INPP5A: variants seen among roughly 807,000 people sequenced by gnomAD.
The protein encoded by INPP5A is inositol polyphosphate-5-phosphatase A, also known as 43 kDa inositol polyphosphate 5-phophatase.
A neutral mutation model predicts 65.2 loss-of-function variants in INPP5A; 14 were observed. That is an observed-to-expected ratio of 0.21 (90% CI 0.14 to 0.34). The LOEUF is 0.34. Among genes scored for constraint, INPP5A ranks in the 10% least tolerant of loss-of-function variants. The pLI is 1.00. For missense variants in INPP5A, 431 were observed against 545.6 expected (o/e 0.79, Z 2.09); for synonymous variants, 207 against 208.3 (o/e 0.99, Z 0.05).
chr10:132,609,504 C>T (rs1406083821), intron 2 of INPP5A, among the ~76,000 whole-genome samples: 2 of 152,232 alleles, frequency 1.3e-5, no homozygotes, highest in East Asian at 3.8e-4. Flanking sequence ...CAGGGATCCA[C>T]AGGTTTTCCC....
Position 132,621,396 on chromosome 10 carries a change from T to C in INPP5A, c.117+13440T>C, listed in dbSNP as rs113181146. On this transcript the variant is annotated intron_variant, in intron 2 of 15. Transcript: ENST00000368594. ...GCACAGCCTCAGGAGGTTCTGATGA[T>C]GTTGCCTAAGGCGATTGGGGCACAG... is the stretch of plus-strand genomic sequence containing the variant. 8.1e-3 allele frequency among the ~76,000 whole-genome samples: 1,238 copies of C among 152,286 alleles called. 15 individuals carry two copies. Among genetic ancestry groups the C allele is most frequent in the African/African-American group, 0.029 (1,187 of 41,564 alleles).
At chr10:132,695,083 A>G (rs1845324754) in intron 5 of INPP5A, among the ~76,000 whole-genome samples, 1 of 152,244 alleles carries the variant, frequency 6.6e-6, no homozygotes. Context: ...GACATTACAA[A>G]GAAGGAAAAC....
chr10:132,581,488 T>C (rs758075946), intron 1 of INPP5A, among the ~76,000 whole-genome samples: 94 of 152,214 alleles, frequency 6.2e-4, no homozygotes, highest in Non-Finnish European at 1.1e-3. Context: ...AGGCCAATTC[T>C]GCTGGTCTCT....
intron 1 of INPP5A, among the ~76,000 whole-genome samples, chr10:132,606,422 A>AG (rs1479571428): frequency 6.6e-6 from 1 of 152,036 alleles, no homozygotes; most frequent in Non-Finnish European, 1.5e-5. Context: ...CTGGACCCAG[A>AG]GGGCAGGGCA....
At chr10:132,542,310 G>A (rs1223088320) in intron 1 of INPP5A, among the ~76,000 whole-genome samples, 1 of 152,232 alleles carries the variant, frequency 6.6e-6, no homozygotes, top group African/African-American at 2.4e-5. Context: ...GCAAGTGCTC[G>A]CTGGCAGGGA....
At chr10:132,654,176 G>A (rs1262044744) in intron 4 of INPP5A, among the ~76,000 whole-genome samples, 2 of 152,206 alleles carry the variant, frequency 1.3e-5, no homozygotes, top group East Asian at 1.9e-4. Flanking sequence ...CCTGCTCTCG[G>A]GGAACTGTGG....
chr10:132,774,683 GC>G (rs953727114), intron 12 of INPP5A, among the ~76,000 whole-genome samples: 1 of 151,938 alleles, frequency 6.6e-6, no homozygotes, highest in African/African-American at 2.4e-5. Flanking sequence ...TACCTACCCA[GC>G]CCAGCCTGCT....
chr10:132,661,171 A>G lies in INPP5A; in HGVS notation c.306+10666A>G, dbSNP rs1478445203. Among the ~76,000 whole-genome samples, 3 of 152,234 alleles carry G rather than the reference A, an allele frequency of 2.0e-5. No individual in the cohort carries two copies. In the East Asian group the frequency reaches 5.8e-4, roughly 29 times the overall value. On this transcript the variant is annotated intron_variant, in intron 4 of 15. Transcript: ENST00000368594. ...CTCTTCGTGATATGGTTTCAAAAACACAATCCAGCACCATGTGTAAATTGT... is the reference window on the plus strand; with the variant it reads ...CTCTTCGTGATATGGTTTCAAAAACGCAATCCAGCACCATGTGTAAATTGT...
intron 1 of INPP5A, among the ~76,000 whole-genome samples, chr10:132,592,542 A>G (rs963659946): frequency 3.3e-5 from 5 of 152,096 alleles, no homozygotes; most frequent in Admixed American, 3.3e-4. Flanking sequence ...CAGCCTCCCA[A>G]GTAGCTGGGA....
chr10:132,657,562 G>T (rs2072674120), intron 4 of INPP5A, among the ~76,000 whole-genome samples: 1 of 152,164 alleles, frequency 6.6e-6, no homozygotes, highest in African/African-American at 2.4e-5. Flanking sequence ...TCTTGGGGTG[G>T]GGGGCCCCAG....
At chr10:132,696,087 ACTAT>A in intron 5 of INPP5A, among the ~76,000 whole-genome samples, 1 of 152,292 alleles carries the variant, frequency 6.6e-6, no homozygotes, top group African/African-American at 2.4e-5. Flanking sequence ...CACACAAGGC[ACTAT>A]CTGTGAGGAA....
chr10:132,639,676 C>T (rs755430213), intron 2 of INPP5A, among the ~76,000 whole-genome samples: 2 of 152,190 alleles, frequency 1.3e-5, no homozygotes, highest in Non-Finnish European at 2.9e-5. Context: ...TTCTCATGCA[C>T]CATCTGTTTC....
chr10:132,647,476 A>C (rs2072512981), intron 3 of INPP5A, among the ~76,000 whole-genome samples: 1 of 152,210 alleles, frequency 6.6e-6, no homozygotes, highest in Non-Finnish European at 1.5e-5. Context: ...TCAACAAACT[A>C]ATACTAAAAT....
Position 132,676,686 on chromosome 10 carries a change from C to T in INPP5A, c.307-13706C>T, listed in dbSNP as rs902572924. ...CCTGGGCACCTGTGGCTGCTCCCTCCTCCTGACTCTGCTCCAAGGTGCCAC... is the reference window on the plus strand; with the variant it reads ...CCTGGGCACCTGTGGCTGCTCCCTCTTCCTGACTCTGCTCCAAGGTGCCAC... On this transcript the variant is annotated intron_variant, in intron 4 of 15. Coordinates refer to ENST00000368594, the MANE Select transcript of INPP5A (RefSeq NM_005539.5). The surrounding 1 kb of genome is among the most constrained non-coding windows in gnomAD (Gnocchi z 4.0). Among the ~76,000 whole-genome samples, 1 of 152,194 alleles carries T rather than the reference C, an allele frequency of 6.6e-6. No individual in the cohort carries two copies. The highest frequency in any genetic ancestry group is 2.4e-5 in the African/African-American group (1 of 41,444).
chr10:132,711,285 G>T (rs1048717376), intron 8 of INPP5A, among the ~76,000 whole-genome samples: 3 of 152,192 alleles, frequency 2.0e-5, no homozygotes, highest in African/African-American at 7.2e-5. Context: ...CCCATTGGTG[G>T]GATGTGTCTG....
At chr10:132,561,694 T>G (rs2071207427) in intron 1 of INPP5A, among the ~76,000 whole-genome samples, 1 of 151,404 alleles carries the variant, frequency 6.6e-6, no homozygotes, top group South Asian at 2.1e-4. Context: ...CCATTTCTGT[T>G]TTGATTTTAG....
intron 1 of INPP5A, among the ~76,000 whole-genome samples, chr10:132,572,858 G>A (rs2071363425): frequency 6.6e-6 from 1 of 152,208 alleles, no homozygotes; most frequent in Non-Finnish European, 1.5e-5. Context: ...CAAGACCTGG[G>A]CCTCTGGAAT....
intron 2 of INPP5A, among the ~76,000 whole-genome samples, chr10:132,626,169 A>G (rs534583968): frequency 1.3e-5 from 2 of 152,306 alleles, no homozygotes; most frequent in South Asian, 4.1e-4. Flanking sequence ...GTTGTCACAC[A>G]CTGTGGCTCA....
At chr10:132,747,771 A>T (rs573839550) in intron 9 of INPP5A, among the ~76,000 whole-genome samples, 1 of 152,390 alleles carries the variant, frequency 6.6e-6, no homozygotes, top group African/African-American at 2.4e-5. Flanking sequence ...TTTATAGGCC[A>T]GGTGCAGCTG....
Sources: gnomAD v4.1 joint callset for allele counts (sites outside exome capture counted in the v4.1 genomes callset) on GRCh38, gnomAD v4.1.1 for gene constraint, Gnocchi (gnomAD v3.1) non-coding constraint, MANE v1.5 for transcripts, NCBI Gene and HGNC (gene_info 2026-07-23, HGNC 2026-07-21) for gene names.